The following PRKN variants were observed in gnomAD, a reference collection of about 807,000 sequenced individuals.
PRKN encodes E3 ubiquitin-protein ligase parkin.
Under a neutral mutation model 59.5 loss-of-function variants are expected in PRKN, and 56 were observed. The observed-to-expected ratio is 0.94, with a 90% CI of 0.76 to 1.18. PRKN has a LOEUF of 1.18. Among genes scored for constraint, PRKN ranks in the 50% most tolerant of loss-of-function variants. PRKN has a pLI of 0.00. For synonymous variants in PRKN, 250 were observed against 222.1 expected (o/e 1.13, Z -1.12); for missense variants, 657 against 596.4 (o/e 1.10, Z -1.06).
Position 161,562,989 on chromosome 6 carries a change from G to C in PRKN, c.933+6366C>G, listed in dbSNP as rs758241269. On this transcript the variant is annotated intron_variant, in intron 8 of 11. Transcript: ENST00000366898. The surrounding 1 kb of genome is among the most constrained non-coding windows in gnomAD (Gnocchi z 4.3). ...TTCATCTTTTGGCACTGTCCTTCCT[G>C]CTCAGTATTTTCCAGCCACCTTGGT... Among the ~76,000 whole-genome samples the C allele has an allele frequency of 6.6e-6, 1 of 152,072 alleles. No individual in the cohort carries two copies. The highest frequency in any genetic ancestry group is 1.5e-5 in the Non-Finnish European group (1 of 68,000).
chr6:161,864,904 C>T (rs9355364), intron 6 of PRKN, among the ~76,000 whole-genome samples: 129,711 of 152,130 alleles, frequency 0.85, 55,654 homozygotes, highest in African/African-American at 0.93. Context: ...TCCGCCTGCC[C>T]TGGCCTCACA....
chr6:162,406,912 TC>T (rs1222371588), intron 2 of PRKN, among the ~76,000 whole-genome samples: 1 of 152,154 alleles, frequency 6.6e-6, no homozygotes, highest in Non-Finnish European at 1.5e-5. Context: ...AGGAAGCTAT[TC>T]TTGAAAGTTT....
At chr6:162,481,157 T>C (rs1477052882) in intron 1 of PRKN, among the ~76,000 whole-genome samples, 1 of 151,982 alleles carries the variant, frequency 6.6e-6, no homozygotes, top group African/African-American at 2.4e-5. Context: ...ATTAATGTTC[T>C]CATATAAAGA....
Position 162,683,213 on chromosome 6 carries a change from A to T in PRKN, c.7+44449T>A, listed in dbSNP as rs535489551. ...ATTCTAGGCCTATGCTGTCCAAAAG[A>T]GTAATCACTAACCACAGACGGCTAT... is the stretch of plus-strand genomic sequence containing the variant. On this transcript the variant is annotated intron_variant, in intron 1 of 11. Coordinates refer to ENST00000366898, the MANE Select transcript of PRKN (RefSeq NM_004562.3). Among the ~76,000 whole-genome samples the T allele has an allele frequency of 7.9e-5, 12 of 152,300 alleles. No homozygotes were observed. In the East Asian group the frequency reaches 1.5e-3, roughly 20 times the overall value.
At chr6:161,465,853 T>C (rs1790438366) in intron 9 of PRKN, among the ~76,000 whole-genome samples, 1 of 152,172 alleles carries the variant, frequency 6.6e-6, no homozygotes, top group South Asian at 2.1e-4. Flanking sequence ...TTACACAGTG[T>C]TTGATATTCA....
At chr6:162,283,967 A>G (rs995743723) in intron 2 of PRKN, among the ~76,000 whole-genome samples, 1 of 152,196 alleles carries the variant, frequency 6.6e-6, no homozygotes, top group Non-Finnish European at 1.5e-5. Flanking sequence ...GCACAAACAT[A>G]CTAAGTACAC....
intron 7 of PRKN, among the ~76,000 whole-genome samples, chr6:161,734,158 ATAAAG>A (rs1787870176): frequency 6.6e-6 from 1 of 152,158 alleles, no homozygotes; most frequent in Admixed American, 6.6e-5. Context: ...TTGTTAATTT[ATAAAG>A]TACTGTACCT....
intron 7 of PRKN, among the ~76,000 whole-genome samples, chr6:161,768,329 C>T (rs1037039990): frequency 7.2e-5 from 11 of 152,098 alleles, no homozygotes; most frequent in African/African-American, 2.7e-4. Flanking sequence ...CAATTACATG[C>T]GTGTGTACAT....
chr6:162,708,413 A>C (rs1778409918), intron 1 of PRKN, among the ~76,000 whole-genome samples: 1 of 152,238 alleles, frequency 6.6e-6, no homozygotes, highest in Admixed American at 6.5e-5. Flanking sequence ...ATATAAAATA[A>C]AATTTCCCTA....
At chr6:161,652,888 T>C (rs988570995) in intron 7 of PRKN, among the ~76,000 whole-genome samples, 1 of 152,216 alleles carries the variant, frequency 6.6e-6, no homozygotes, top group African/African-American at 2.4e-5. Context: ...TTGCTTTTAA[T>C]ACCAATTCAA....
At chr6:161,655,633 T>C (rs1784317203) in intron 7 of PRKN, among the ~76,000 whole-genome samples, 1 of 152,178 alleles carries the variant, frequency 6.6e-6, no homozygotes, top group South Asian at 2.1e-4. Context: ...ATGTCCACAA[T>C]AACGACAATA....
intron 5 of PRKN, among the ~76,000 whole-genome samples, chr6:162,047,058 G>A (rs114255576): frequency 6.6e-6 from 1 of 152,280 alleles, no homozygotes; most frequent in African/African-American, 2.4e-5. Context: ...AGACAACAGA[G>A]AACACTTTGT....
intron 7 of PRKN, among the ~76,000 whole-genome samples, chr6:161,642,653 C>T (rs191677627): frequency 1.3e-5 from 2 of 151,916 alleles, no homozygotes; most frequent in Non-Finnish European, 2.9e-5. Flanking sequence ...TAAGTACCCA[C>T]AAAAATTTTA....
At chr6:161,573,791 T>A (rs1583246661) in intron 7 of PRKN, among the ~76,000 whole-genome samples, 1 of 100,210 alleles carries the variant, frequency 1.0e-5, no homozygotes, top group African/African-American at 3.9e-5. Flanking sequence ...TATATATATA[T>A]ATATAAAACT....
Position 161,829,814 on chromosome 6 carries a change from A to G in PRKN, c.735-43906T>C, listed in dbSNP as rs1792404326. ...CGGGAACCTGTGTATGAGGACCCCA[A>G]GTCTTTAACCTTCATGCCACTTAGC... is the stretch of plus-strand genomic sequence containing the variant. On this transcript the variant is annotated intron_variant, in intron 6 of 11. Coordinates refer to ENST00000366898, the MANE Select transcript of PRKN (RefSeq NM_004562.3). Among the ~76,000 whole-genome samples the G allele has an allele frequency of 1.3e-5, 2 of 150,108 alleles. 1 individual carries two copies. Among genetic ancestry groups the G allele is most frequent in the African/African-American group, 5.0e-5 (2 of 40,246 alleles).
chr6:161,710,946 C>T (rs1158489527), intron 7 of PRKN, among the ~76,000 whole-genome samples: 1 of 119,892 alleles, frequency 8.3e-6, no homozygotes, highest in Admixed American at 9.4e-5. Context: ...CCTTCCTTCC[C>T]CACTCCCTCC....
At chr6:162,453,165 C>T (rs370053974) in intron 1 of PRKN, among the ~76,000 whole-genome samples, 10 of 152,194 alleles carry the variant, frequency 6.6e-5, no homozygotes, top group South Asian at 4.1e-4. Context: ...CCAGGTTCCC[C>T]GGCTGGAAAC....
At chr6:162,632,498 A>G (rs907506696) in intron 1 of PRKN, among the ~76,000 whole-genome samples, 3 of 152,132 alleles carry the variant, frequency 2.0e-5, no homozygotes, top group Admixed American at 6.5e-5. Context: ...GGACTATGAG[A>G]AGGAGGAGGG....
At chr6:162,290,665 T>C (rs1455295355) in intron 2 of PRKN, among the ~76,000 whole-genome samples, 1 of 152,166 alleles carries the variant, frequency 6.6e-6, no homozygotes, top group African/African-American at 2.4e-5. Context: ...ATTTTTCAAA[T>C]GGAAAATTAA....
Sources: allele counts gnomAD v4.1 joint callset (sites outside exome capture counted in the v4.1 genomes callset), GRCh38; gene constraint gnomAD v4.1.1; non-coding constraint Gnocchi (gnomAD v3.1); transcripts MANE v1.5; gene names NCBI Gene and HGNC (gene_info 2026-07-23, HGNC 2026-07-21).